The following STEEP1 variants were observed in gnomAD, a reference collection of about 807,000 sequenced individuals.
The protein encoded by STEEP1 is STING1 ER exit protein 1.
Under a neutral mutation model 19.2 loss-of-function variants are expected in STEEP1, and 3 were observed. That is an observed-to-expected ratio of 0.16 (90% CI 0.07 to 0.40). The LOEUF (loss-of-function observed/expected upper bound fraction) is 0.40, where lower values mean the gene tolerates loss of function less well. STEEP1 is among the 10% of genes least tolerant of loss of function. STEEP1 has a pLI of 0.99. For missense variants in STEEP1, 54 were observed against 177.1 expected, an observed-to-expected ratio of 0.30 and a Z score of 3.94; for synonymous variants, 46 against 63.7, an observed-to-expected ratio of 0.72 and a Z score of 1.32.
intron 2 of STEEP1, among the ~76,000 whole-genome samples, chrX:119,547,689 G>C (rs962082290): frequency 5.4e-5 from 6 of 111,487 alleles, no homozygotes; most frequent in African/African-American, 2.0e-4. Context: ...CCACCATGTG[G>C]AAATTTTAGG....
intron 1 of STEEP1, among the ~76,000 whole-genome samples, chrX:119,563,202 TA>T (rs2053332583): frequency 8.9e-6 from 1 of 111,849 alleles, no homozygotes; most frequent in Admixed American, 9.5e-5. Flanking sequence ...AGCAAGAGAC[TA>T]TTGTGCCAAT....
chrX:119,544,707 G>A (rs1400660223), intron 3 of STEEP1, among the ~76,000 whole-genome samples: 8 of 112,002 alleles, frequency 7.1e-5, no homozygotes, highest in Non-Finnish European at 1.3e-4. Flanking sequence ...TTGGGAGGCC[G>A]AGGCAGGTGG....
rs994637087 is a variant in STEEP1 at position 119,539,650 on chromosome X, G to A, written c.*77C>T. 2.6e-5 allele frequency: 20 copies of A among 783,886 alleles called. No individual in the cohort carries two copies. Among genetic ancestry groups the A allele is most frequent in the Non-Finnish European group, 3.5e-5 (18 of 521,456 alleles). 64.6% of individuals were successfully genotyped at this position (783,886 alleles called of 1,213,427 possible). ...TCTGCTAGGGCATAAATAGGAATCC[G>A]TCTATGTAATCAAGAAATTACTTTG... On this transcript the variant is annotated 3_prime_UTR_variant, in exon 7 of 7. Coordinates refer to ENST00000644802, the MANE Select transcript of STEEP1 (RefSeq NM_022101.4).
chrX:119,563,635 G>A (rs1355354990), intron 1 of STEEP1, among the ~76,000 whole-genome samples: 2 of 111,089 alleles, frequency 1.8e-5, no homozygotes, highest in East Asian at 5.6e-4. Flanking sequence ...GCTTGAACCT[G>A]GGAGGCGGAA....
chrX:119,555,812 G>GGAT (rs2053274684), intron 2 of STEEP1, among the ~76,000 whole-genome samples: 1 of 111,179 alleles, frequency 9.0e-6, no homozygotes, highest in South Asian at 3.8e-4. Context: ...GATGATGGTG[G>GGAT]GATGGTGGGG....
At position 119,560,404 on chromosome X, in the gene STEEP1, T is replaced by C. The variant is rs761026859; in HGVS notation, c.125-19A>G. ...TGGCAGTCTGAAGGAATGGAGAGAT[T>C]TGGTCACTAGAGTCATGGCAAAATA... On this transcript the variant is annotated intron_variant, in intron 1 of 6. Transcript: ENST00000644802. The C allele has an allele frequency of 8.1e-6, 9 of 1,116,808 alleles. No homozygotes were observed. The highest frequency in any genetic ancestry group is 3.6e-5 in the African/African-American group (2 of 55,610). 92.0% of individuals were successfully genotyped at this position (1,116,808 alleles called of 1,213,427 possible).
intron 5 of STEEP1, among the ~76,000 whole-genome samples, 184 bp from the exon 6 acceptor site, chrX:119,541,604 T>G (rs189056464): frequency 0.011 from 1,218 of 111,533 alleles, 7 homozygotes; most frequent in Non-Finnish European, 0.018. Context: ...GTTTGATTGC[T>G]TGTTTGTTTG....
At chrX:119,542,996 G>C (rs1407765859) in intron 4 of STEEP1, among the ~76,000 whole-genome samples, 2 of 11,092 alleles carry the variant, frequency 1.8e-4, no homozygotes, top group Non-Finnish European at 2.9e-4. Context: ...ACTGGGTCTC[G>C]CAAAAAAAAA....
chrX:119,551,283 C>G (rs1216251300), intron 2 of STEEP1, among the ~76,000 whole-genome samples: 2 of 109,779 alleles, frequency 1.8e-5, no homozygotes, highest in East Asian at 5.8e-4. Flanking sequence ...GAGCTCAAGA[C>G]CAGCCTGACC....
At chrX:119,544,641 C>T (rs780031802) in intron 3 of STEEP1, 150 bp from the exon 4 acceptor site, 3 of 538,685 alleles carry the variant, frequency 5.6e-6, no homozygotes, top group Middle Eastern at 4.3e-4. Context: ...ACTACCTCTA[C>T]CTGATAAGAA....
intron 2 of STEEP1, among the ~76,000 whole-genome samples, chrX:119,552,912 C>G (rs920163967): frequency 2.7e-5 from 3 of 111,333 alleles, no homozygotes; most frequent in African/African-American, 9.8e-5. Flanking sequence ...CCTGTAATCC[C>G]AGCACTTTGG....
At chrX:119,559,815 A>T (rs760193310) in intron 2 of STEEP1, among the ~76,000 whole-genome samples, 3 of 112,298 alleles carry the variant, frequency 2.7e-5, no homozygotes, top group Non-Finnish European at 5.6e-5. Context: ...TTGGGAGGCC[A>T]AGGAGGGAGA....
intron 1 of STEEP1, among the ~76,000 whole-genome samples, chrX:119,564,677 G>T (rs188777989): frequency 4.3e-4 from 48 of 111,707 alleles, no homozygotes; most frequent in African/African-American, 1.5e-3. Flanking sequence ...AGCCAAATAC[G>T]GTTAAGATGA....
chrX:119,542,985 G>C (rs1394147029), intron 4 of STEEP1, among the ~76,000 whole-genome samples: 1 of 56,730 alleles, frequency 1.8e-5, no homozygotes, highest in African/African-American at 7.7e-5. Context: ...TTTTTGTAGA[G>C]ACTGGGTCTC....
chrX:119,547,457 C>A (rs1209563156), intron 2 of STEEP1, among the ~76,000 whole-genome samples: 2 of 112,315 alleles, frequency 1.8e-5, no homozygotes, highest in Admixed American at 1.9e-4. Context: ...CACTGCCATT[C>A]TCACATGTGA....
intron 2 of STEEP1, among the ~76,000 whole-genome samples, chrX:119,554,025 G>C (rs1000137636): frequency 3.6e-5 from 4 of 112,398 alleles, no homozygotes; most frequent in Non-Finnish European, 5.6e-5. Context: ...AGAATTTCAA[G>C]TGGTATGACT....
At chrX:119,557,170 AAAAG>A (rs2053285865) in intron 2 of STEEP1, among the ~76,000 whole-genome samples, 1 of 99,086 alleles carries the variant, frequency 1.0e-5, no homozygotes, top group African/African-American at 3.5e-5. Context: ...AAAAAAAAAA[AAAAG>A]AAAAGAAAGA....
intron 2 of STEEP1, among the ~76,000 whole-genome samples, chrX:119,546,644 C>CGGTA (rs1177203939): frequency 1.8e-5 from 2 of 110,465 alleles, no homozygotes; most frequent in Admixed American, 9.8e-5. Context: ...CACACAATAC[C>CGGTA]ACCTTAGACA....
At chrX:119,542,346 G>A (rs2053170639) in intron 5 of STEEP1, among the ~76,000 whole-genome samples, 159 bp downstream of exon 5, 2 of 109,430 alleles carry the variant, frequency 1.8e-5, no homozygotes, top group African/African-American at 3.3e-5. Flanking sequence ...GATTACAGGC[G>A]TGAGCCACCA....
Sources: allele counts gnomAD v4.1 joint callset (sites outside exome capture counted in the v4.1 genomes callset), GRCh38; gene constraint gnomAD v4.1.1; transcripts MANE v1.5; gene names NCBI Gene and HGNC (gene_info 2026-07-23, HGNC 2026-07-21).